Variants in SYT17 observed in about 807,000 individuals in gnomAD.
SYT17 encodes synaptotagmin-17.
SYT17 carries 22 observed loss-of-function variants against 46.7 expected under a neutral mutation model. That is an observed-to-expected ratio of 0.47 (90% confidence interval 0.34 to 0.67). The LOEUF is 0.67. SYT17 is among the 30% of genes least tolerant of loss of function. The probability of loss-of-function intolerance (pLI) is 0.01; values close to 1 mark genes in which losing one functional copy is unlikely to be tolerated. For missense variants in SYT17, 519 were observed against 612.8 expected (o/e 0.85, Z 1.62); for synonymous variants, 251 against 248.4 (o/e 1.01, Z -0.10).
intron 3 of SYT17, among the ~76,000 whole-genome samples, chr16:19,179,563 G>A (rs796553386): frequency 7.2e-5 from 11 of 152,238 alleles, no homozygotes; most frequent in South Asian, 2.1e-4. Context: ...CACCATGCTC[G>A]GCCTCTACGC....
intron 7 of SYT17, among the ~76,000 whole-genome samples, chr16:19,262,863 A>G (rs1969083707): frequency 6.6e-6 from 1 of 152,156 alleles, no homozygotes; most frequent in Non-Finnish European, 1.5e-5. Context: ...TTGAGGAAGG[A>G]CACTATCTAT....
rs151187675 is a variant in SYT17 at position 19,240,799 on chromosome 16, C to T, written c.1228+15961C>T. Among the ~76,000 whole-genome samples, 565 of 152,348 alleles carry T rather than the reference C, an allele frequency of 3.7e-3. 1 individual carries two copies. The highest frequency in any genetic ancestry group is 0.013 in the African/African-American group (550 of 41,578). On this transcript the variant is annotated intron_variant, in intron 7 of 7. Transcript: ENST00000355377. ...CACCTGCAGGCCAGTGGTAGGCTGTCCTTGGCCCCTCCTCAGCCTCCCCGT... is the reference window on the plus strand; with the variant it reads ...CACCTGCAGGCCAGTGGTAGGCTGTTCTTGGCCCCTCCTCAGCCTCCCCGT...
At chr16:19,257,036 A>G (rs1968621947) in intron 7 of SYT17, among the ~76,000 whole-genome samples, 1 of 152,210 alleles carries the variant, frequency 6.6e-6, no homozygotes, top group South Asian at 2.1e-4. Flanking sequence ...GGGCTGTGAT[A>G]TGGATTTAAG....
Position 19,183,019 on chromosome 16 carries a change from G to A in SYT17, c.332-509G>A, listed in dbSNP as rs1393190913. 2.6e-5 allele frequency among the ~76,000 whole-genome samples: 4 copies of A among 152,140 alleles called. No individual in the cohort carries two copies. Among genetic ancestry groups the A allele is most frequent in the East Asian group, 3.9e-4 (2 of 5,184 alleles). ...CATGGCTCACTGGTAATGAGTACAC[G>A]AGTAGTGAGTAAGTGGCTGAGATGG... On this transcript the variant is annotated intron_variant, in intron 4 of 7. Transcript: ENST00000355377. This position sits in a 1 kb window ranked among gnomAD's most constrained non-coding sequence, Gnocchi z 5.6.
intron 4 of SYT17, among the ~76,000 whole-genome samples, chr16:19,182,562 TAA>T (rs1318869126): frequency 2.6e-5 from 4 of 152,232 alleles, no homozygotes; most frequent in African/African-American, 9.6e-5. Context: ...AGGTAATTTC[TAA>T]GTCTCATGCC....
chr16:19,212,807 T>C (rs892895578), intron 5 of SYT17, among the ~76,000 whole-genome samples: 1 of 152,238 alleles, frequency 6.6e-6, no homozygotes, highest in African/African-American at 2.4e-5. Context: ...TCCATTTTCC[T>C]TGGGAGGGCT....
intron 5 of SYT17, among the ~76,000 whole-genome samples, chr16:19,203,275 G>T (rs1965535294): frequency 6.6e-6 from 1 of 151,926 alleles, no homozygotes; most frequent in African/African-American, 2.4e-5. Context: ...TGGATCACTT[G>T]AGGTCAGGAG....
At chr16:19,250,744 T>C (rs1484373056) in intron 7 of SYT17, among the ~76,000 whole-genome samples, 3 of 152,052 alleles carry the variant, frequency 2.0e-5, no homozygotes, top group Non-Finnish European at 2.9e-5. Context: ...GGTGACTTTT[T>C]ATTGAAGTCC....
chr16:19,222,998 G>A (rs767490369), intron 5 of SYT17, 47 bp from the exon 6 acceptor site: 29 of 1,609,216 alleles, frequency 1.8e-5, no homozygotes, highest in Non-Finnish European at 2.5e-5. Flanking sequence ...GGGTGCAAAA[G>A]GAATAAAAGG....
chr16:19,194,821 C>T (rs566148629), intron 5 of SYT17, among the ~76,000 whole-genome samples: 4 of 152,280 alleles, frequency 2.6e-5, no homozygotes, highest in African/African-American at 9.6e-5. Context: ...TGGTCTCGAA[C>T]TCCTGACCTC....
intron 5 of SYT17, among the ~76,000 whole-genome samples, chr16:19,187,017 C>A (rs1964815623): frequency 6.6e-6 from 1 of 151,992 alleles, no homozygotes; most frequent in South Asian, 2.1e-4. Flanking sequence ...GACTCATTTG[C>A]TTTTTTAAAA....
Position 19,168,645 on chromosome 16 carries a change from A to T in SYT17, c.-2A>T. The T allele has an allele frequency of 6.5e-7, 1 of 1,537,684 alleles. No homozygotes were observed. The highest frequency in any genetic ancestry group is 8.8e-7 in the Non-Finnish European group (1 of 1,140,360). On this transcript the variant is annotated 5_prime_UTR_variant, in exon 1 of 8. Coordinates refer to ENST00000355377, the MANE Select transcript of SYT17 (RefSeq NM_016524.4). This position sits in a 1 kb window ranked among gnomAD's most constrained non-coding sequence, Gnocchi z 6.9. ...GGCCGGAGTGAGTGCGCGCGGGCGA[A>T]AATGGCGTACATCCAGGTAGGGCTG...
At chr16:19,220,303 C>CTTTCTT (rs776097400) in intron 5 of SYT17, among the ~76,000 whole-genome samples, 8,677 of 80,210 alleles carry the variant, frequency 0.11, 806 homozygotes, top group Middle Eastern at 0.14. Context: ...TTCTTTCTTT[C>CTTTCTT]TTTTTTTTTT....
At chr16:19,190,731 AT>A (rs1312947662) in intron 5 of SYT17, among the ~76,000 whole-genome samples, 2 of 150,700 alleles carry the variant, frequency 1.3e-5, no homozygotes, top group Non-Finnish European at 2.9e-5. Flanking sequence ...ATGAGTCAGA[AT>A]TTCCTTCCTT....
At chr16:19,188,926 G>T (rs1033142263) in intron 5 of SYT17, among the ~76,000 whole-genome samples, 1 of 151,864 alleles carries the variant, frequency 6.6e-6, no homozygotes, top group Admixed American at 6.6e-5. Flanking sequence ...CTGCTCTGTC[G>T]CCCAGGCTGG....
chr16:19,217,834 TTG>T (rs1240032900), intron 5 of SYT17, among the ~76,000 whole-genome samples: 3 of 152,096 alleles, frequency 2.0e-5, no homozygotes, highest in Non-Finnish European at 4.4e-5. Flanking sequence ...GCTTATGATT[TTG>T]TGTGTGTGTG....
intron 7 of SYT17, among the ~76,000 whole-genome samples, chr16:19,257,370 G>T (rs1202293692): frequency 6.9e-6 from 1 of 145,132 alleles, no homozygotes; most frequent in Non-Finnish European, 1.5e-5. Context: ...GAGGCCCAGG[G>T]AAGGGATATG....
chr16:19,236,215 G>T (rs1567225594), intron 7 of SYT17, among the ~76,000 whole-genome samples: 1 of 152,182 alleles, frequency 6.6e-6, no homozygotes, highest in African/African-American at 2.4e-5. Context: ...GTGACTGTGG[G>T]CAAGTTGCTT....
chr16:19,196,311 C>T (rs1268772196), intron 5 of SYT17, among the ~76,000 whole-genome samples: 3 of 150,952 alleles, frequency 2.0e-5, no homozygotes, highest in African/African-American at 4.9e-5. Flanking sequence ...GGCATGATCT[C>T]GGCTCACTGC....
Sources: gnomAD v4.1 joint callset for allele counts (sites outside exome capture counted in the v4.1 genomes callset) on GRCh38, gnomAD v4.1.1 for gene constraint, Gnocchi (gnomAD v3.1) non-coding constraint, MANE v1.5 for transcripts, NCBI Gene and HGNC (gene_info 2026-07-23, HGNC 2026-07-21) for gene names.